The following SMCHD1 variants were observed in gnomAD, a reference collection of about 807,000 sequenced individuals.
SMCHD1 encodes structural maintenance of chromosomes flexible hinge domain-containing protein 1.
Under a neutral mutation model 254.7 loss-of-function variants are expected in SMCHD1, and 78 were observed. The observed-to-expected ratio is 0.31, with a 90% CI of 0.26 to 0.37. SMCHD1 has a LOEUF of 0.37. Ranked by LOEUF, SMCHD1 falls within the 10% of genes least tolerant of loss-of-function variation. SMCHD1 has a pLI of 1.00. For missense variants in SMCHD1, 1,840 were observed against 2,408.1 expected, an observed-to-expected ratio of 0.76 and a Z score of 4.94; for synonymous variants, 766 against 794.9, an observed-to-expected ratio of 0.96 and a Z score of 0.61.
At chr18:2,682,469 C>G (rs1463898975) in intron 5 of SMCHD1, among the ~76,000 whole-genome samples, 1 of 152,104 alleles carries the variant, frequency 6.6e-6, no homozygotes, top group Non-Finnish European at 1.5e-5. Context: ...ATTATAGATG[C>G]ACACCACCAC....
chr18:2,659,335 C>A (rs2073175192), intron 1 of SMCHD1, among the ~76,000 whole-genome samples: 1 of 152,184 alleles, frequency 6.6e-6, no homozygotes, highest in Admixed American at 6.5e-5. Flanking sequence ...CCAGGCTGAT[C>A]TTGAACTCCT....
At chr18:2,709,490 C>T (rs180833017) in intron 17 of SMCHD1, among the ~76,000 whole-genome samples, 1 of 152,230 alleles carries the variant, frequency 6.6e-6, no homozygotes, top group East Asian at 1.9e-4. Context: ...GTGGTTGCCT[C>T]ATTGTACATT....
chr18:2,771,018 A>T (rs953971437), intron 39 of SMCHD1, among the ~76,000 whole-genome samples: 1 of 151,966 alleles, frequency 6.6e-6, no homozygotes, highest in African/African-American at 2.4e-5. Context: ...CATTTGTCAT[A>T]TTTTTTTGCT....
At chr18:2,794,908 G>C (rs1207950621) in intron 45 of SMCHD1, among the ~76,000 whole-genome samples, 1 of 152,108 alleles carries the variant, frequency 6.6e-6, no homozygotes, top group African/African-American at 2.4e-5. Flanking sequence ...TCTATATACT[G>C]TTCTGTGGTG....
At chr18:2,740,557 AAT>A in intron 27 of SMCHD1, 144 bp from the exon 28 acceptor site, 1 of 391,022 alleles carries the variant, frequency 2.6e-6, no homozygotes, top group Non-Finnish European at 4.5e-6. Flanking sequence ...GAATTTAAAA[AAT>A]GAGTATAATT....
chr18:2,734,621 T>C (rs953220311), intron 25 of SMCHD1, among the ~76,000 whole-genome samples: 1 of 149,096 alleles, frequency 6.7e-6, no homozygotes, highest in Non-Finnish European at 1.5e-5. Context: ...CCTTTTATCT[T>C]TTTTGTGGAA....
intron 19 of SMCHD1, among the ~76,000 whole-genome samples, chr18:2,721,452 A>T (rs1009478963): frequency 6.6e-6 from 1 of 152,112 alleles, no homozygotes; most frequent in Non-Finnish European, 1.5e-5. Flanking sequence ...CCTGTGGAAC[A>T]TATTTTCATA....
chr18:2,780,793 G>A (rs1461205184), intron 44 of SMCHD1, among the ~76,000 whole-genome samples: 1 of 152,194 alleles, frequency 6.6e-6, no homozygotes, highest in Non-Finnish European at 1.5e-5. Context: ...GTGTTCAGGA[G>A]ACCTGGCTTT....
chr18:2,659,818 G>A (rs967103467), intron 1 of SMCHD1, among the ~76,000 whole-genome samples: 1 of 150,612 alleles, frequency 6.6e-6, no homozygotes, highest in East Asian at 1.9e-4. Flanking sequence ...CCATAGTAAG[G>A]TAACGAAATA....
intron 24 of SMCHD1, among the ~76,000 whole-genome samples, chr18:2,730,351 T>G (rs1357843488): frequency 1.3e-5 from 2 of 152,104 alleles, no homozygotes; most frequent in Non-Finnish European, 2.9e-5. Flanking sequence ...TTTGTATTTT[T>G]AGTAGAGATG....
intron 41 of SMCHD1, among the ~76,000 whole-genome samples, chr18:2,772,862 C>T (rs1278033836): frequency 2.6e-5 from 4 of 152,218 alleles, no homozygotes; most frequent in Admixed American, 2.6e-4. Context: ...GGGGTGAAAC[C>T]CCAAGTAGTC....
Position 2,729,124 on chromosome 18 carries a change from G to A in SMCHD1, c.2914-151G>A, listed in dbSNP as rs1033434135. ...AGTAGAAAATTACTGTTTTTGTTCA[G>A]TATTCTAGAGTTTTAGTGACTTTTA... On this transcript the variant is annotated intron_variant, in intron 23 of 47. Coordinates refer to ENST00000320876, the MANE Select transcript of SMCHD1 (RefSeq NM_015295.3). 2.8e-4 allele frequency: 147 copies of A among 525,208 alleles called. 3 individuals are homozygous for A. The Admixed American group carries it at 5.6e-3, about 20-fold the overall frequency. 32.5% of individuals were successfully genotyped at this position (525,208 alleles called of 1,614,324 possible).
At chr18:2,675,296 G>T (rs942964438) in intron 5 of SMCHD1, among the ~76,000 whole-genome samples, 3 of 129,354 alleles carry the variant, frequency 2.3e-5, no homozygotes, top group East Asian at 2.2e-4. Flanking sequence ...ACAGAGTCTC[G>T]CTCTGTCATC....
In SMCHD1 at chr18:2,707,798, G is replaced by A; in HGVS notation, c.2147-9G>A. 6.3e-7 allele frequency: 1 copy of A among 1,581,798 alleles called. No homozygotes were observed. The highest frequency in any genetic ancestry group is 1.2e-5 in the South Asian group (1 of 86,696). On this transcript the variant is annotated splice_polypyrimidine_tract_variant and intron_variant, in intron 16 of 47. Coordinates refer to ENST00000320876, the MANE Select transcript of SMCHD1 (RefSeq NM_015295.3). Reference sequence around the variant, plus strand: ...TGTAATTAAGATACTTTTAATTTTTGACTCATAGGTGCGTTAAGAATTGAA... The same window carrying A: ...TGTAATTAAGATACTTTTAATTTTTAACTCATAGGTGCGTTAAGAATTGAA...
At chr18:2,712,378 C>G (rs1423635156) in intron 17 of SMCHD1, among the ~76,000 whole-genome samples, 1 of 152,148 alleles carries the variant, frequency 6.6e-6, no homozygotes, top group Non-Finnish European at 1.5e-5. Flanking sequence ...TCTTAATCCT[C>G]TGTAACCAAT....
At chr18:2,728,645 C>G (rs747905380) in intron 23 of SMCHD1, 49 bp downstream of exon 23, 25 of 1,575,622 alleles carry the variant, frequency 1.6e-5, no homozygotes, top group Non-Finnish European at 2.2e-5. Context: ...TAGTAAGTGG[C>G]AATGACTATT....
At chr18:2,770,221 A>G in intron 39 of SMCHD1, 113 bp downstream of exon 39, 4 of 1,090,928 alleles carry the variant, frequency 3.7e-6, no homozygotes, top group Non-Finnish European at 5.1e-6. Flanking sequence ...AAAATACAGA[A>G]TGTTTCAGAA....
chr18:2,681,412 C>CAA (rs11448086), intron 5 of SMCHD1, among the ~76,000 whole-genome samples: 41,639 of 103,664 alleles, frequency 0.4, 9,661 homozygotes, highest in East Asian at 0.59. Context: ...GACCCCATCT[C>CAA]AAAAAAAAAA....
intron 45 of SMCHD1, among the ~76,000 whole-genome samples, chr18:2,786,930 T>C (rs1267012313): frequency 2.0e-5 from 3 of 148,518 alleles, no homozygotes; most frequent in African/African-American, 7.3e-5. Context: ...TACTTCATTG[T>C]GTGAATGAAA....
Sources: gnomAD v4.1 joint callset for allele counts (sites outside exome capture counted in the v4.1 genomes callset) on GRCh38, gnomAD v4.1.1 for gene constraint, MANE v1.5 for transcripts, NCBI Gene and HGNC (gene_info 2026-07-23, HGNC 2026-07-21) for gene names.